Variants in C12orf42 observed in about 807,000 individuals in gnomAD.
C12orf42 encodes the protein chromosome 12 open reading frame 42.
A neutral mutation model predicts 21.6 loss-of-function variants in C12orf42; 25 were observed. The ratio of observed to expected loss-of-function variants is 1.16; its 90% CI spans 0.84 to 1.62. The LOEUF is 1.62. Ranked by LOEUF, C12orf42 falls within the 40% of genes most tolerant of loss-of-function variation. The probability of loss-of-function intolerance (pLI) is 0.00; values close to 1 mark genes in which losing one functional copy is unlikely to be tolerated. For missense variants in C12orf42, 483 were observed against 459.3 expected (o/e 1.05, Z -0.47); for synonymous variants, 174 against 175.0 (o/e 0.99, Z 0.05).
At chr12:103,498,068 C>G (rs1319405398), upstream of C12orf42, among the ~76,000 whole-genome samples, 1 of 151,860 alleles carries the variant, frequency 6.6e-6, no homozygotes, top group African/African-American at 2.4e-5. Context: ...GAAAACTATT[C>G]ATTTATTGAA....
At chr12:103,117,325 TTTTG>T in the C12orf42 span, among the ~76,000 whole-genome samples, 1 of 152,232 alleles carries the variant, frequency 6.6e-6, no homozygotes, top group Non-Finnish European at 1.5e-5. Flanking sequence ...TTCTGGCTTA[TTTTG>T]TTTAATAGAC....
chr12:103,237,790 A>G (rs562281050), exon 11 of C12orf42: 1 of 152,240 alleles, frequency 6.6e-6, no homozygotes, highest in East Asian at 1.9e-4. Flanking sequence ...TCCTTTGGGG[A>G]AGGAAGGATT....
At chr12:103,195,082 G>A in the C12orf42 span, among the ~76,000 whole-genome samples, 5 of 152,110 alleles carry the variant, frequency 3.3e-5, no homozygotes, top group Non-Finnish European at 7.4e-5. Context: ...ATTTGGTTAG[G>A]ATAATGACCT....
At chr12:103,372,159 C>T (rs760506976) in intron 3 of C12orf42, among the ~76,000 whole-genome samples, 1 of 152,094 alleles carries the variant, frequency 6.6e-6, no homozygotes, top group African/African-American at 2.4e-5. Context: ...AGTCCCATTC[C>T]CTCCTCTGCA....
At chr12:103,356,012 C>T (rs142229409) in intron 4 of C12orf42, among the ~76,000 whole-genome samples, 4 of 152,076 alleles carry the variant, frequency 2.6e-5, no homozygotes, top group Admixed American at 6.6e-5. Flanking sequence ...CTCATTTTAA[C>T]TCAAGGTAAG....
At chr12:103,323,958 T>C (rs989932730) in intron 4 of C12orf42, among the ~76,000 whole-genome samples, 55 of 152,290 alleles carry the variant, frequency 3.6e-4, no homozygotes, top group African/African-American at 1.3e-3. Flanking sequence ...TTGAGATGTA[T>C]TTTATCTATA....
exon 7 of C12orf42, chr12:103,268,624 G>A (rs1044115048): frequency 6.6e-6 from 1 of 152,042 alleles, no homozygotes; most frequent in East Asian, 1.9e-4. Context: ...AGAAAATGAG[G>A]ACTTGGTATT....
chr12:103,506,534 G>A, the C12orf42 span, among the ~76,000 whole-genome samples: 1 of 151,394 alleles, frequency 6.6e-6, no homozygotes, highest in African/African-American at 2.4e-5. Flanking sequence ...TACTTACCAT[G>A]GTGTTACAAT....
chr12:103,058,742 A>G, the C12orf42 span, among the ~76,000 whole-genome samples: 2 of 152,326 alleles, frequency 1.3e-5, no homozygotes, highest in African/African-American at 4.8e-5. Context: ...TGGGTAAATA[A>G]CGAAATTAAG....
chr12:103,450,849 T>C (rs1438822899), intron 2 of C12orf42, among the ~76,000 whole-genome samples: 2 of 152,144 alleles, frequency 1.3e-5, no homozygotes, highest in Non-Finnish European at 2.9e-5. Context: ...TTTCAGTCCA[T>C]AGAAAGTTGG....
At chr12:103,401,483 A>T in intron 3 of C12orf42, 124 bp downstream of exon 3, 2 of 782,240 alleles carry the variant, frequency 2.6e-6, no homozygotes, top group Non-Finnish European at 4.2e-6. Flanking sequence ...TTAAAATGTA[A>T]AAAATCCTTT....
chr12:103,075,958 GA>G, the C12orf42 span, among the ~76,000 whole-genome samples: 1 of 152,166 alleles, frequency 6.6e-6, no homozygotes, highest in African/African-American at 2.4e-5. Context: ...TTAGTGAACA[GA>G]AGGAAAGTAA....
the C12orf42 span, chr12:103,559,271 G>A: frequency 8.4e-6 from 1 of 119,530 alleles, no homozygotes; most frequent in Non-Finnish European, 2.1e-5. Context: ...ACTCACTCAG[G>A]GGAGATTCCT....
intron 3 of C12orf42, among the ~76,000 whole-genome samples, chr12:103,393,110 T>TA (rs143284282): frequency 0.18 from 27,924 of 152,064 alleles, 3,013 homozygotes; most frequent in East Asian, 0.35. Context: ...AGTTTCTGTG[T>TA]TAGTCCATTC....
chr12:103,191,887 T>G, the C12orf42 span, among the ~76,000 whole-genome samples: 2 of 152,168 alleles, frequency 1.3e-5, no homozygotes, highest in African/African-American at 2.4e-5. Flanking sequence ...TTTGAGTTTT[T>G]GTATGTGACT....
chr12:103,145,340 C>T, the C12orf42 span, among the ~76,000 whole-genome samples: 2 of 152,216 alleles, frequency 1.3e-5, no homozygotes, highest in South Asian at 4.1e-4. Flanking sequence ...TCTCAAAGAG[C>T]CCTTTAGAGA....
the C12orf42 span, among the ~76,000 whole-genome samples, chr12:103,083,174 G>A: frequency 6.6e-6 from 1 of 152,142 alleles, no homozygotes; most frequent in Admixed American, 6.5e-5. Context: ...AGGCCAACCT[G>A]ACCAACATGG....
the C12orf42 span, among the ~76,000 whole-genome samples, chr12:103,220,779 G>A: frequency 6.6e-6 from 1 of 152,146 alleles, no homozygotes; most frequent in Non-Finnish European, 1.5e-5. Flanking sequence ...CTGTGGCTGA[G>A]GGAGGAGGAG....
At chr12:103,340,160 C>T (rs911322306) in intron 4 of C12orf42, among the ~76,000 whole-genome samples, 1 of 152,136 alleles carries the variant, frequency 6.6e-6, no homozygotes, top group African/African-American at 2.4e-5. Context: ...GGGTAGTGTT[C>T]TTGGTGAAAA....
Sources: allele counts gnomAD v4.1 joint callset (sites outside exome capture counted in the v4.1 genomes callset), GRCh38; gene constraint gnomAD v4.1.1; transcripts MANE v1.5; gene names NCBI Gene and HGNC (gene_info 2026-07-23, HGNC 2026-07-21).